The following DERA variants were observed in gnomAD, a reference collection of about 807,000 sequenced individuals.
DERA encodes the protein deoxyribose-phosphate aldolase.
Under a neutral mutation model 41.1 loss-of-function variants are expected in DERA, and 15 were observed. That is an observed-to-expected ratio of 0.37 (90% CI 0.24 to 0.56). DERA has a LOEUF of 0.56. Ranked by LOEUF, DERA falls within the 20% of genes least tolerant of loss-of-function variation. DERA has a pLI of 0.81. For synonymous variants in DERA, 139 were observed against 137.4 expected (o/e 1.01, Z -0.08); for missense variants, 396 against 403.4 (o/e 0.98, Z 0.16).
rs1326867538 is a variant in DERA, at chr12:15,984,200, T to C, written c.637+1764T>C. Reference sequence around the variant, plus strand: ...TCGGAGCCAATCTTGTGATACCTGTTACCCCAGCTGTTATCCTGGTCACAA... The same window carrying C: ...TCGGAGCCAATCTTGTGATACCTGTCACCCCAGCTGTTATCCTGGTCACAA... On this transcript the variant is annotated intron_variant, in intron 6 of 8. Coordinates refer to ENST00000428559, the MANE Select transcript of DERA (RefSeq NM_015954.4). The surrounding 1 kb of genome is among the most constrained non-coding windows in gnomAD (Gnocchi z 4.5). Among the ~76,000 whole-genome samples the C allele has an allele frequency of 6.6e-6, 1 of 152,196 alleles. No individual in the cohort carries two copies. The highest frequency in any genetic ancestry group is 1.5e-5 in the Non-Finnish European group (1 of 68,042).
Position 15,967,558 on chromosome 12 carries a change from A to G in DERA, c.508+4611A>G, listed in dbSNP as rs1169054785. ...TTCATTACTGATTATATTATCCCAG[A>G]ATACAGTGATGCTTTCAGGGGCCAG... is the stretch of plus-strand genomic sequence containing the variant. On this transcript the variant is annotated intron_variant, in intron 5 of 8. Transcript: ENST00000428559. This position sits in a 1 kb window ranked among gnomAD's most constrained non-coding sequence, Gnocchi z 4.9. 6.6e-6 allele frequency among the ~76,000 whole-genome samples: 1 copy of G among 152,210 alleles called. No individual in the cohort carries two copies. Among genetic ancestry groups the G allele is most frequent in the Non-Finnish European group, 1.5e-5 (1 of 68,030 alleles).
At position 16,032,658 on chromosome 12, in the gene DERA, T is replaced by C. The variant is rs751187220; in HGVS notation, c.750+4T>C. 1 of 1,497,432 alleles carries C rather than the reference T, an allele frequency of 6.7e-7. No homozygotes were observed. The highest frequency in any genetic ancestry group is 2.4e-5 in the East Asian group (1 of 41,226). The allele number at this position is 1,497,432 out of a possible 1,614,324, so 92.8% of individuals were successfully genotyped here. A position where few individuals can be genotyped will look rare whatever the true frequency, so the allele number is the denominator to read the frequency against. Reference sequence around the variant, plus strand: ...CTTCTGGAAAACTGGAAACAAGGTATATTATTGCCAGCAAATCTTTCTTCA... The same window carrying C: ...CTTCTGGAAAACTGGAAACAAGGTACATTATTGCCAGCAAATCTTTCTTCA... On this transcript the variant is annotated splice_donor_region_variant and intron_variant, in intron 7 of 8. Transcript: ENST00000428559.
At chr12:16,029,455 T>C (rs199506034) in intron 6 of DERA, among the ~76,000 whole-genome samples, 29 of 129,462 alleles carry the variant, frequency 2.2e-4, no homozygotes, top group South Asian at 7.9e-4. Context: ...AATAAATAAA[T>C]AAACAAACTA....
intron 6 of DERA, among the ~76,000 whole-genome samples, chr12:16,006,572 C>G (rs1948912391): frequency 6.6e-6 from 1 of 152,228 alleles, no homozygotes; most frequent in Non-Finnish European, 1.5e-5. Context: ...TTCATTTCCA[C>G]ACGTCGTACC....
In DERA at chr12:16,004,963, CAG is replaced by C. The variant is rs1247984722; in HGVS notation, c.637+22530_637+22531del. On this transcript the variant is annotated intron_variant, in intron 6 of 8. Transcript: ENST00000428559. The surrounding 1 kb of genome is among the most constrained non-coding windows in gnomAD (Gnocchi z 4.2). ...TGTGAATAACTAGATAAAGAAGAAA[CAG>C]AGCAACTGAGGATTTGGTTTTATGC... is the stretch of plus-strand genomic sequence containing the variant. 6.6e-6 allele frequency among the ~76,000 whole-genome samples: 1 copy of C among 152,100 alleles called. No individual in the cohort carries two copies. Among genetic ancestry groups the C allele is most frequent in the African/African-American group, 2.4e-5 (1 of 41,416 alleles).
chr12:15,952,338 T>A (rs1592015678), intron 1 of DERA, among the ~76,000 whole-genome samples: 1 of 152,272 alleles, frequency 6.6e-6, no homozygotes, highest in Non-Finnish European at 1.5e-5. Flanking sequence ...TGCAAACTTA[T>A]GTACGTATTT....
intron 1 of DERA, among the ~76,000 whole-genome samples, chr12:15,946,862 T>TA (rs1170815947): frequency 6.6e-6 from 1 of 152,230 alleles, no homozygotes; most frequent in Non-Finnish European, 1.5e-5. Flanking sequence ...TGTGGGCATT[T>TA]AGTGCTATAA....
chr12:15,927,885 G>A (rs1948299205), intron 1 of DERA, among the ~76,000 whole-genome samples: 2 of 152,056 alleles, frequency 1.3e-5, no homozygotes, highest in Non-Finnish European at 2.9e-5. Flanking sequence ...AGATTGATAT[G>A]GCATGGAATA....
chr12:15,932,694 T>C (rs1948337625), intron 1 of DERA, among the ~76,000 whole-genome samples: 1 of 152,096 alleles, frequency 6.6e-6, no homozygotes, highest in Non-Finnish European at 1.5e-5. Context: ...TGAGGTGTAA[T>C]ATGTGGTGAG....
chr12:15,952,860 GCCAACCTGCTT>G (rs1948509089), intron 1 of DERA, among the ~76,000 whole-genome samples: 1 of 152,192 alleles, frequency 6.6e-6, no homozygotes, highest in Non-Finnish European at 1.5e-5. Flanking sequence ...GTCACATTTA[GCCAACCTGCTT>G]TTGCTTCTGA....
chr12:16,000,709 G>A lies in DERA; in HGVS notation c.637+18273G>A, dbSNP rs1333362117. Among the ~76,000 whole-genome samples, 17 of 152,188 alleles carry A rather than the reference G, an allele frequency of 1.1e-4. No homozygotes were observed. Among genetic ancestry groups the A allele is most frequent in the Admixed American group, 9.2e-4 (14 of 15,286 alleles). ...AGCCAGCAAAGGCTGTTTGTAGAAC[G>A]TTAGCTGCTATCACACTGGCTTGAT... On this transcript the variant is annotated intron_variant, in intron 6 of 8. Coordinates refer to ENST00000428559, the MANE Select transcript of DERA (RefSeq NM_015954.4). The surrounding 1 kb of genome is among the most constrained non-coding windows in gnomAD (Gnocchi z 4.8).
At chr12:16,024,600 G>C (rs1257128290) in intron 6 of DERA, among the ~76,000 whole-genome samples, 1 of 152,164 alleles carries the variant, frequency 6.6e-6, no homozygotes, top group Non-Finnish European at 1.5e-5. Flanking sequence ...AAAAACTGAA[G>C]TAATTAATTG....
At position 15,981,233 on chromosome 12, in the gene DERA, A is replaced by T. The variant is rs1948730724; in HGVS notation, c.509-1075A>T. 6.6e-6 allele frequency among the ~76,000 whole-genome samples: 1 copy of T among 152,150 alleles called. No homozygotes were observed. The highest frequency in any genetic ancestry group is 1.5e-5 in the Non-Finnish European group (1 of 68,030). On this transcript the variant is annotated intron_variant, in intron 5 of 8. Coordinates refer to ENST00000428559, the MANE Select transcript of DERA (RefSeq NM_015954.4). This position sits in a 1 kb window ranked among gnomAD's most constrained non-coding sequence, Gnocchi z 6.1. Reference sequence around the variant, plus strand: ...CGTGGTGGCAGGCGCCTGTAGTCCCAGCTACTCGGGAGGCTGAGGCAGGAG... The same window carrying T: ...CGTGGTGGCAGGCGCCTGTAGTCCCTGCTACTCGGGAGGCTGAGGCAGGAG...
At chr12:15,962,169 T>C (rs1174678264) in intron 4 of DERA, among the ~76,000 whole-genome samples, 1 of 152,232 alleles carries the variant, frequency 6.6e-6, no homozygotes, top group Non-Finnish European at 1.5e-5. Context: ...GTTTTCATTT[T>C]CCTCTTATTT....
At position 15,962,646 on chromosome 12, in the gene DERA, GT is replaced by G. The variant is rs1395938494; in HGVS notation, c.374-165del. On this transcript the variant is annotated intron_variant, in intron 4 of 8. Transcript: ENST00000428559. Reference sequence around the variant, plus strand: ...TTCTTCACACTTATGCATAAGTGATGTTCTTAAGTGTCAGTGCATTGGTCTT... The same window carrying G: ...TTCTTCACACTTATGCATAAGTGATGTCTTAAGTGTCAGTGCATTGGTCTT... 7.6e-6 allele frequency: 4 copies of G among 526,406 alleles called. No homozygotes were observed. The African/African-American group carries it at 7.7e-5, about 10-fold the overall frequency. 32.6% of individuals were successfully genotyped at this position (526,406 alleles called of 1,614,324 possible).
rs1198968127 is a variant in DERA, at chr12:15,913,760, G to A, written c.31+2346G>A. On this transcript the variant is annotated intron_variant, in intron 1 of 8. Transcript: ENST00000428559. This position sits in a 1 kb window ranked among gnomAD's most constrained non-coding sequence, Gnocchi z 4.5. ...ATTGGCATTTGGATGTATGAAAGAT[G>A]TTTTCCAAATAGGGAATGTACCCTC... is the stretch of plus-strand genomic sequence containing the variant. Among the ~76,000 whole-genome samples, 1 of 152,174 alleles carries A rather than the reference G, an allele frequency of 6.6e-6. No homozygotes were observed. The highest frequency in any genetic ancestry group is 1.5e-5 in the Non-Finnish European group (1 of 68,038).
At chr12:15,962,131 A>G (rs1279989088) in intron 4 of DERA, among the ~76,000 whole-genome samples, 4 of 152,026 alleles carry the variant, frequency 2.6e-5, no homozygotes, top group East Asian at 1.9e-4. Flanking sequence ...AGATGTTACT[A>G]TTTTTCAAGA....
chr12:16,011,763 G>A lies in DERA; in HGVS notation c.638-20779G>A, dbSNP rs765799471. ...ATTTGGCATGGGTAATTGTATTTAC[G>A]GATAGATGTTTTCATTTTATACTGA... On this transcript the variant is annotated intron_variant, in intron 6 of 8. Transcript: ENST00000428559. The surrounding 1 kb of genome is among the most constrained non-coding windows in gnomAD (Gnocchi z 4.7). Among the ~76,000 whole-genome samples, 11 of 152,076 alleles carry A rather than the reference G, an allele frequency of 7.2e-5. No homozygotes were observed. Among genetic ancestry groups the A allele is most frequent in the South Asian group, 6.2e-4 (3 of 4,820 alleles).
rs748027054 is a variant in DERA at position 15,957,282 on chromosome 12, A to G, written c.129+249A>G. Among the ~76,000 whole-genome samples the G allele has an allele frequency of 6.6e-6, 1 of 152,222 alleles. No homozygotes were observed. Among genetic ancestry groups the G allele is most frequent in the African/African-American group, 2.4e-5 (1 of 41,458 alleles). ...AAATGAATTTGAGGCATCTTTATTC[A>G]TGAGTGAATTAAATGGCATATTTTC... On this transcript the variant is annotated intron_variant, in intron 2 of 8. Transcript: ENST00000428559. The surrounding 1 kb of genome is among the most constrained non-coding windows in gnomAD (Gnocchi z 4.8).
Sources: gnomAD v4.1 joint callset for allele counts (sites outside exome capture counted in the v4.1 genomes callset) on GRCh38, gnomAD v4.1.1 for gene constraint, Gnocchi (gnomAD v3.1) non-coding constraint, MANE v1.5 for transcripts, NCBI Gene and HGNC (gene_info 2026-07-23, HGNC 2026-07-21) for gene names.